Variants in TRPM5 observed in about 807,000 individuals in gnomAD.
TRPM5 encodes transient receptor potential cation channel subfamily M member 5, also known as MLSN1 and TRP-related.
Under a neutral mutation model 124.9 loss-of-function variants are expected in TRPM5, and 121 were observed. The ratio of observed to expected loss-of-function variants is 0.97; its 90% CI spans 0.84 to 1.13. TRPM5 has a LOEUF of 1.13. Ranked by LOEUF, TRPM5 falls within the 50% of genes most tolerant of loss-of-function variation. The pLI, the probability that TRPM5 is intolerant of heterozygous loss-of-function variation, is 0.00. For synonymous variants in TRPM5, 781 were observed against 700.5 expected (o/e 1.11, Z -1.81); for missense variants, 1,643 against 1,589.1 (o/e 1.03, Z -0.58).
At chr11:2,405,297 G>A (rs952248551) in intron 23 of TRPM5, among the ~76,000 whole-genome samples, 7 of 152,236 alleles carry the variant, frequency 4.6e-5, no homozygotes, top group African/African-American at 9.6e-5. Flanking sequence ...TAGGGCCCAC[G>A]CCAGGCAGAG....
At chr11:2,415,347 A>G in exon 9 of TRPM5, 1 of 1,585,722 alleles carries the variant, frequency 6.3e-7, no homozygotes, top group South Asian at 1.1e-5. Context: ...GGAGCGGTAG[A>G]GCTCCTGCAG....
downstream of TRPM5, among the ~76,000 whole-genome samples, chr11:2,404,299 T>C (rs1850269387): frequency 6.6e-6 from 1 of 152,118 alleles, no homozygotes; most frequent in South Asian, 2.1e-4. Flanking sequence ...TGGGGTACAG[T>C]GTTTTCCAGG....
At chr11:2,417,906 C>G in intron 6 of TRPM5, 77 bp from the exon 12 acceptor site, 1 of 1,372,330 alleles carries the variant, frequency 7.3e-7, no homozygotes, top group South Asian at 1.3e-5. Context: ...TAGACACCAG[C>G]GTAGGCACAG....
the TRPM5 span, among the ~76,000 whole-genome samples, chr11:2,444,215 C>G: frequency 6.6e-6 from 1 of 152,146 alleles, no homozygotes; most frequent in Admixed American, 6.5e-5. Flanking sequence ...GGAAGCGACC[C>G]GAGCGTATTC....
intron 12 of TRPM5, 63 bp downstream of exon 17, chr11:2,413,998 G>T: frequency 6.6e-7 from 1 of 1,518,918 alleles, no homozygotes; most frequent in Non-Finnish European, 8.9e-7. Flanking sequence ...AACTCAAGCT[G>T]GGCCCAGCTC....
chr11:2,439,554 G>A, the TRPM5 span, among the ~76,000 whole-genome samples: 3 of 151,696 alleles, frequency 2.0e-5, no homozygotes, highest in Non-Finnish European at 4.4e-5. Context: ...ACATCCATGC[G>A]GTCAACAAGC....
At chr11:2,419,216 C>A (rs74512541) in intron 4 of TRPM5, among the ~76,000 whole-genome samples, 2,562 of 152,234 alleles carry the variant, frequency 0.017, 63 homozygotes, top group African/African-American at 0.055. Flanking sequence ...CAGGCCTGGC[C>A]AAACGGTGCC....
the TRPM5 span, among the ~76,000 whole-genome samples, chr11:2,439,837 T>C: frequency 1.3e-5 from 2 of 152,078 alleles, no homozygotes; most frequent in African/African-American, 4.8e-5. Flanking sequence ...TGGATACATA[T>C]ACAAAAGAAA....
At position 2,405,599 on chromosome 11, in the gene TRPM5, G is replaced by A; in HGVS notation, c.3325-6C>T. 1 of 1,559,504 alleles carries A rather than the reference G, an allele frequency of 6.4e-7. No individual in the cohort carries two copies. Among genetic ancestry groups the A allele is most frequent in the Non-Finnish European group, 8.7e-7 (1 of 1,151,234 alleles). ...AGCACCGAGCAGTAGTTGATCTGGA[G>A]AAGGGAAACACGTCCGGGAAGCTCC... On this transcript the variant is annotated splice_polypyrimidine_tract_variant and splice_region_variant and intron_variant, in intron 22 of 23. Transcript: ENST00000155858.
upstream of TRPM5, among the ~76,000 whole-genome samples, chr11:2,427,206 G>T (rs569066040): frequency 6.6e-6 from 1 of 152,208 alleles, no homozygotes; most frequent in Non-Finnish European, 1.5e-5. Context: ...GGCCAAAGCC[G>T]CACTGTCCTG....
At chr11:2,415,988 A>G (rs745545359) in exon 8 of TRPM5, 2 of 1,589,194 alleles carry the variant, frequency 1.3e-6, no homozygotes, top group Non-Finnish European at 1.7e-6. Context: ...GAGCTCATCC[A>G]GATAGTCCTG....
exon 16 of TRPM5, chr11:2,412,169 C>T (rs779260059): frequency 6.2e-7 from 1 of 1,613,562 alleles, no homozygotes; most frequent in Non-Finnish European, 8.5e-7. Flanking sequence ...AGGAAGATGG[C>T]CACCATGTCA....
chr11:2,410,693 A>G (rs919648837), intron 18 of TRPM5: 1 of 455,152 alleles, frequency 2.2e-6, no homozygotes, highest in African/African-American at 2.0e-5. Flanking sequence ...CTTATGAAAA[A>G]GTTTCCAGAG....
intron 3 of TRPM5, 43 bp downstream of exon 8, chr11:2,420,989 T>C: frequency 6.6e-7 from 1 of 1,506,902 alleles, no homozygotes; most frequent in Non-Finnish European, 8.8e-7. Context: ...AGCCCCTGCC[T>C]CCAGGCCCCC....
the TRPM5 span, among the ~76,000 whole-genome samples, chr11:2,438,245 A>T: frequency 1.3e-5 from 2 of 152,196 alleles, no homozygotes; most frequent in Non-Finnish European, 2.9e-5. This position sits in a 1 kb window ranked among gnomAD's most constrained non-coding sequence, Gnocchi z 5.9. Context: ...AACGGGCAAA[A>T]GCTGGCAAAA....
rs753122807 is a variant in TRPM5 at position 2,405,513 on chromosome 11, C to T, written c.3391+14G>A. On this transcript the variant is annotated intron_variant, in intron 23 of 23. Coordinates refer to ENST00000155858, the Ensembl canonical transcript of TRPM5. ...CATGCCCACCCTCATCCCACGCTCC[C>T]CAAACAGGCTTACTCCGGGGGCCGC... 13 of 1,554,330 alleles carry T rather than the reference C, an allele frequency of 8.4e-6. No homozygotes were observed. Among genetic ancestry groups the T allele is most frequent in the East Asian group, 4.8e-5 (2 of 41,464 alleles).
chr11:2,409,524 T>G (rs1011453054), intron 18 of TRPM5, among the ~76,000 whole-genome samples: 1 of 152,040 alleles, frequency 6.6e-6, no homozygotes, highest in African/African-American at 2.4e-5. Flanking sequence ...TCGGCACGAG[T>G]GCAGAGTGGG....
At chr11:2,407,298 T>C (rs1850343844) in exon 20 of TRPM5, 2 of 1,608,956 alleles carry the variant, frequency 1.2e-6, no homozygotes, top group South Asian at 2.2e-5. Context: ...CTGGAACGTG[T>C]AGCTGCAGGG....
rs986231999 is a variant in TRPM5, at chr11:2,422,341, C to T, written c.118-20G>A. On this transcript the variant is annotated intron_variant, in intron 1 of 23. Transcript: ENST00000155858. ...TACAAACTGCAAGGCAGGTCTGCAG[C>T]TCAGGGCTTTCGGGGCACGGGGCAT... 1.3e-6 allele frequency: 2 copies of T among 1,597,620 alleles called. No individual in the cohort carries two copies. Among genetic ancestry groups the T allele is most frequent in the Non-Finnish European group, 1.7e-6 (2 of 1,171,584 alleles).
Sources: allele counts gnomAD v4.1 joint callset (sites outside exome capture counted in the v4.1 genomes callset), GRCh38; gene constraint gnomAD v4.1.1; non-coding constraint Gnocchi (gnomAD v3.1); transcripts MANE v1.5; gene names NCBI Gene and HGNC (gene_info 2026-07-23, HGNC 2026-07-21).